Variants in CRACR2A observed in about 807,000 individuals in gnomAD.
CRACR2A encodes calcium release activated channel regulator 2A, also known as EF-hand calcium-binding domain-containing protein 4B.
CRACR2A carries 79 observed loss-of-function variants against 90.5 expected under a neutral mutation model. That is an observed-to-expected ratio of 0.87 (90% confidence interval 0.73 to 1.05). The LOEUF is 1.05. Ranked by LOEUF, CRACR2A falls within the 50% of genes least tolerant of loss-of-function variation. The probability of loss-of-function intolerance (pLI) is 0.00; values close to 1 mark genes in which losing one functional copy is unlikely to be tolerated. For missense variants in CRACR2A, 823 were observed against 897.2 expected, an observed-to-expected ratio of 0.92 and a Z score of 1.06; for synonymous variants, 338 against 356.7, an observed-to-expected ratio of 0.95 and a Z score of 0.59.
At chr12:3,699,181 C>T (rs1690316043) in intron 3 of CRACR2A, among the ~76,000 whole-genome samples, 1 of 152,200 alleles carries the variant, frequency 6.6e-6, no homozygotes, top group African/African-American at 2.4e-5. Context: ...TACACATTGC[C>T]TTCCTGAGAC....
intron 4 of CRACR2A, among the ~76,000 whole-genome samples, chr12:3,680,637 C>T (rs1385537676): frequency 2.6e-5 from 4 of 152,090 alleles, no homozygotes; most frequent in Non-Finnish European, 5.9e-5. Context: ...CATTTAATTC[C>T]CATGACAACA....
intron 6 of CRACR2A, 111 bp downstream of exon 6, chr12:3,678,804 C>A (rs1365224946): frequency 2.5e-6 from 3 of 1,203,126 alleles, no homozygotes; most frequent in African/African-American, 3.1e-5. Context: ...GCACTGCATT[C>A]CAGTGCAGGG....
At chr12:3,698,869 C>T (rs999257121) in intron 3 of CRACR2A, among the ~76,000 whole-genome samples, 1 of 152,074 alleles carries the variant, frequency 6.6e-6, no homozygotes, top group African/African-American at 2.4e-5. Context: ...GTAAATATAC[C>T]ACATGAGCAG....
intron 2 of CRACR2A, among the ~76,000 whole-genome samples, chr12:3,713,552 C>G (rs1314514519): frequency 1.3e-5 from 2 of 152,128 alleles, no homozygotes; most frequent in Non-Finnish European, 2.9e-5. Context: ...GAGATTATGT[C>G]CAGCCTGATG....
intron 1 of CRACR2A, among the ~76,000 whole-genome samples, chr12:3,734,429 T>C (rs573656716): frequency 1.3e-5 from 2 of 152,146 alleles, no homozygotes; most frequent in African/African-American, 2.4e-5. Context: ...TGGAAGTTCC[T>C]CAAAAAACTA....
chr12:3,727,576 A>G (rs1946292077), intron 2 of CRACR2A: 1 of 152,170 alleles, frequency 6.6e-6, no homozygotes, highest in African/African-American at 2.4e-5. Context: ...ATCTAGACAG[A>G]ATGCATGAAG....
intron 2 of CRACR2A, among the ~76,000 whole-genome samples, chr12:3,713,863 A>T (rs539540302): frequency 6.6e-6 from 1 of 152,306 alleles, no homozygotes; most frequent in African/African-American, 2.4e-5. Context: ...CAGGGAGAGG[A>T]TGGGCTTCCT....
intron 8 of CRACR2A, 48 bp downstream of exon 8, chr12:3,659,516 G>T: frequency 6.5e-7 from 1 of 1,546,692 alleles, no homozygotes; most frequent in Non-Finnish European, 8.9e-7. Context: ...AGACAGAGCA[G>T]ATATGTCAAG....
At chr12:3,685,239 C>T (rs765003643) in intron 4 of CRACR2A, among the ~76,000 whole-genome samples, 22 of 152,172 alleles carry the variant, frequency 1.4e-4, no homozygotes, top group Non-Finnish European at 2.2e-4. Context: ...CAGAAATGCC[C>T]GTTTCTTTTC....
At chr12:3,616,145 A>G (rs1266104502) in intron 19 of CRACR2A, among the ~76,000 whole-genome samples, 1 of 152,270 alleles carries the variant, frequency 6.6e-6, no homozygotes, top group African/African-American at 2.4e-5. Context: ...AGTCAGGGGC[A>G]GAGAAAAGCC....
In CRACR2A at chr12:3,656,362, T is replaced by C; in HGVS notation, c.807A>G (p.Lys269=). The change falls in exon 9 of 20, where the codon AAA becomes AAG. Residue 269 remains lysine, a synonymous_variant. Transcript: ENST00000440314. ...CCAGCTCCTGCTCCTTACATAACAG[T>C]TTCTGCTCCAGCTCTTGACTGCGGG... ...FQARSQELEQ[K]LLCKEQELEQ... is the part of the protein sequence containing the mutation. The C allele has an allele frequency of 6.2e-7, 1 of 1,614,112 alleles. No individual in the cohort carries two copies. The highest frequency in any genetic ancestry group is 8.5e-7 in the Non-Finnish European group (1 of 1,180,024).
At chr12:3,653,518 G>A (rs1215770438) in intron 10 of CRACR2A, among the ~76,000 whole-genome samples, 1 of 152,162 alleles carries the variant, frequency 6.6e-6, no homozygotes, top group Non-Finnish European at 1.5e-5. Context: ...ACTCTTCAGG[G>A]ACTCCTCCAG....
rs114710361 is a variant in CRACR2A, at chr12:3,653,960, G to C, written c.1046+252C>G. Among the ~76,000 whole-genome samples, 511 of 152,308 alleles carry C rather than the reference G, an allele frequency of 3.4e-3. 3 individuals carry two copies. The highest frequency in any genetic ancestry group is 0.011 in the African/African-American group (466 of 41,578). On this transcript the variant is annotated intron_variant, in intron 10 of 19. Transcript: ENST00000440314. ...TTTGTTTGCGGAATAACATGTCTTT[G>C]TAATCACAGAATGCATTTTCTGAGA...
intron 13 of CRACR2A, among the ~76,000 whole-genome samples, chr12:3,641,463 C>T (rs1362898034): frequency 6.6e-6 from 1 of 152,254 alleles, no homozygotes; most frequent in Non-Finnish European, 1.5e-5. Context: ...TCCTCTGCTG[C>T]TCTGCAGTCC....
At chr12:3,631,113 A>T (rs997790511) in intron 15 of CRACR2A, among the ~76,000 whole-genome samples, 8 of 152,140 alleles carry the variant, frequency 5.3e-5, no homozygotes, top group Non-Finnish European at 1.0e-4. Flanking sequence ...GCTTCCTGAC[A>T]TGTGTCCCAG....
intron 10 of CRACR2A, among the ~76,000 whole-genome samples, chr12:3,653,068 T>C (rs1454442960): frequency 1.6e-4 from 24 of 150,334 alleles, no homozygotes; most frequent in African/African-American, 4.6e-4. Context: ...CTGTAACCTC[T>C]GCCTCCCAGG....
Position 3,680,329 on chromosome 12 carries a change from C to T in CRACR2A, c.249G>A (p.Pro83=), listed in dbSNP as rs761692679. The T allele has an allele frequency of 5.6e-6, 9 of 1,614,036 alleles. No homozygotes were observed. The highest frequency in any genetic ancestry group is 2.2e-5 in the South Asian group (2 of 91,080). ...CATCCTCCAGTTCCTCCAGGCTGAG[C>T]GGTAGCTCCTTATGCAGCCTCTGAA... is the stretch of plus-strand genomic sequence containing the variant. ...KDMQRLHKEL[P]LSLEELEDVF... is the part of the protein sequence containing the mutation. The change falls in exon 5 of 20, where the codon CCG becomes CCA. Residue 83 remains proline, a synonymous_variant. Coordinates refer to ENST00000440314, the MANE Select transcript of CRACR2A (RefSeq NM_001144958.2).
At chr12:3,629,588 G>A (rs1186298584) in intron 15 of CRACR2A, among the ~76,000 whole-genome samples, 3 of 152,212 alleles carry the variant, frequency 2.0e-5, no homozygotes, top group Non-Finnish European at 4.4e-5. Flanking sequence ...GCAGGTAGAC[G>A]GGCAGGGAGT....
chr12:3,673,381 A>G (rs1945284647), intron 7 of CRACR2A, 65 bp downstream of exon 7: 2 of 1,546,828 alleles, frequency 1.3e-6, no homozygotes, highest in African/African-American at 2.8e-5. Flanking sequence ...TCTAAGAGAA[A>G]GTGCACCGTG....
Sources: allele counts gnomAD v4.1 joint callset (sites outside exome capture counted in the v4.1 genomes callset), GRCh38; gene constraint gnomAD v4.1.1; transcripts MANE v1.5; gene names NCBI Gene and HGNC (gene_info 2026-07-23, HGNC 2026-07-21).